Variants in NMT1 observed in about 807,000 individuals in gnomAD.
NMT1 encodes glycylpeptide N-tetradecanoyltransferase 1.
Under a neutral mutation model 63.4 loss-of-function variants are expected in NMT1, and 12 were observed. The ratio of observed to expected loss-of-function variants is 0.19; its 90% CI spans 0.12 to 0.31. The LOEUF (loss-of-function observed/expected upper bound fraction) is 0.31. NMT1 is among the 10% of genes least tolerant of loss of function. NMT1 has a pLI of 1.00. For synonymous variants in NMT1, 228 were observed against 234.3 expected (o/e 0.97, Z 0.25); for missense variants, 432 against 634.6 (o/e 0.68, Z 3.43).
chr17:45,081,782 C>T lies in NMT1; in HGVS notation c.240+30C>T, dbSNP rs189266479. 3.1e-5 allele frequency: 47 copies of T among 1,497,614 alleles called. No homozygotes were observed. In the East Asian group the frequency reaches 7.4e-4, roughly 23 times the overall value. 92.8% of individuals were successfully genotyped at this position (1,497,614 alleles called of 1,614,324 possible). On this transcript the variant is annotated intron_variant, in intron 2 of 11. Transcript: ENST00000258960. ...CAAGGAGGTTCTGTTTTTTGTGACT[C>T]AGTCACTTTTTCACATGAGAGAGTT...
chr17:45,098,760 T>C lies in NMT1; in HGVS notation c.884+208T>C, dbSNP rs572559395. On this transcript the variant is annotated intron_variant, in intron 7 of 11. Coordinates refer to ENST00000258960, the MANE Select transcript of NMT1 (RefSeq NM_021079.5). Reference sequence around the variant, plus strand: ...GATGGCAGATTGGCAAGTCCCTGCCTTGTCTGGAGGGCTCTTGGTGTCTGC... The same window carrying C: ...GATGGCAGATTGGCAAGTCCCTGCCCTGTCTGGAGGGCTCTTGGTGTCTGC... 3 of 519,766 alleles carry C rather than the reference T, an allele frequency of 5.8e-6. No homozygotes were observed. The South Asian group carries it at 8.1e-5, about 14-fold the overall frequency. The allele number at this position is 519,766 out of a possible 1,614,324, so 32.2% of individuals were successfully genotyped here.
intron 2 of NMT1, among the ~76,000 whole-genome samples, chr17:45,083,318 CAA>C (rs780867275): frequency 7.8e-5 from 8 of 102,574 alleles, no homozygotes; most frequent in Admixed American, 1.0e-4. Flanking sequence ...GACTTTGTCT[CAA>C]AAAAAAAAAA....
chr17:45,099,244 T>G (rs2080413946), intron 7 of NMT1, among the ~76,000 whole-genome samples, 161 bp from the exon 8 acceptor site: 1 of 152,172 alleles, frequency 6.6e-6, no homozygotes, highest in African/African-American at 2.4e-5. Context: ...CAGCACTCAC[T>G]GTGGGGAGGG....
chr17:45,065,456 C>G (rs2053895961), intron 1 of NMT1, among the ~76,000 whole-genome samples: 1 of 151,874 alleles, frequency 6.6e-6, no homozygotes, highest in Admixed American at 6.6e-5. Flanking sequence ...AACCCCATCT[C>G]TAATAAAAAT....
chr17:45,064,215 G>A (rs73313230), intron 1 of NMT1, among the ~76,000 whole-genome samples: 16,705 of 152,184 alleles, frequency 0.11, 982 homozygotes, highest in Middle Eastern at 0.18. Flanking sequence ...TATTTTATTT[G>A]TAGTAGAAGT....
Position 45,097,221 on chromosome 17 carries a change from A to G in NMT1, c.690A>G (p.Pro230=), listed in dbSNP as rs770200317. ...RKLVGFISAI[P]ANIHIYDTEK... is the part of the protein sequence containing the mutation. Reference sequence around the variant, plus strand: ...TGGTTGGGTTCATTAGCGCCATCCCAGCAAACATCCATATCTATGACACGT... The same window carrying G: ...TGGTTGGGTTCATTAGCGCCATCCCGGCAAACATCCATATCTATGACACGT... The change falls in exon 6 of 12, where the codon CCA becomes CCG. Residue 230 remains proline, a synonymous_variant. Coordinates refer to ENST00000258960, the MANE Select transcript of NMT1 (RefSeq NM_021079.5). 22 of 1,613,882 alleles carry G rather than the reference A, an allele frequency of 1.4e-5. No individual in the cohort carries two copies. Among genetic ancestry groups the G allele is most frequent in the Non-Finnish European group, 1.7e-5 (20 of 1,179,892 alleles).
intron 3 of NMT1, among the ~76,000 whole-genome samples, chr17:45,087,312 T>A (rs1281594567): frequency 6.6e-6 from 1 of 152,216 alleles, no homozygotes; most frequent in African/African-American, 2.4e-5. Flanking sequence ...ATTCCTGGAA[T>A]GGGCAAAGTC....
Position 45,099,504 on chromosome 17 carries a change from A to G in NMT1, c.984A>G (p.Arg328=), listed in dbSNP as rs748936607. 1 of 1,612,850 alleles carries G rather than the reference A, an allele frequency of 6.2e-7. No homozygotes were observed. Among genetic ancestry groups the G allele is most frequent in the Admixed American group, 1.7e-5 (1 of 60,024 alleles). The change falls in exon 8 of 12, where the codon CGA becomes CGG. Residue 328 remains arginine (R), a synonymous_variant. Coordinates refer to ENST00000258960, the MANE Select transcript of NMT1 (RefSeq NM_021079.5). ...MTMQRTMKLY[R]LPETPKTAGL... Reference sequence around the variant, plus strand: ...TGCAGCGCACCATGAAGCTCTACCGACTGCCAGAGGCCAGTGCTGCCCCGG... The same window carrying G: ...TGCAGCGCACCATGAAGCTCTACCGGCTGCCAGAGGCCAGTGCTGCCCCGG...
At chr17:45,061,624 C>G (rs2053859784) in intron 1 of NMT1, 164 bp downstream of exon 1, 5 of 612,420 alleles carry the variant, frequency 8.2e-6, no homozygotes, top group Non-Finnish European at 1.1e-5. Context: ...TGTCATTTAC[C>G]AAGGGTGGGT....
rs2054207445 is a variant in NMT1, at chr17:45,107,130, A to G, written c.*1491A>G. 6.6e-6 allele frequency: 1 copy of G among 152,240 alleles called. No homozygotes were observed. Among genetic ancestry groups the G allele is most frequent in the Non-Finnish European group, 1.5e-5 (1 of 68,062 alleles). The allele number at this position is 152,240 out of a possible 1,614,324, so 9.4% of individuals were successfully genotyped here. On this transcript the variant is annotated 3_prime_UTR_variant, in exon 12 of 12. Coordinates refer to ENST00000258960, the MANE Select transcript of NMT1 (RefSeq NM_021079.5). ...ATACAGGAATGAAGCCTTAGCCAGG[A>G]GGCCAGGCTCAGCCCTGTGCCACTC... is the stretch of plus-strand genomic sequence containing the variant.
rs747585553 is a variant in NMT1 at position 45,098,374 on chromosome 17, CCT to C, written c.714-5_714-4del. 6.8e-6 allele frequency: 11 copies of C among 1,609,706 alleles called. No homozygotes were observed. Among genetic ancestry groups the C allele is most frequent in the Non-Finnish European group, 9.3e-6 (11 of 1,177,234 alleles). Reference sequence around the variant, plus strand: ...AAACCTTGTCACCTGGATTTTTCCCCCTCTTAGAGAGAAGAAGATGGTAGAGA... The same window carrying C: ...AAACCTTGTCACCTGGATTTTTCCCCCTTAGAGAGAAGAAGATGGTAGAGA... On this transcript the variant is annotated splice_region_variant and splice_polypyrimidine_tract_variant and intron_variant, in intron 6 of 11. Transcript: ENST00000258960.
intron 2 of NMT1, among the ~76,000 whole-genome samples, chr17:45,082,272 G>GTTTT (rs74724010): frequency 7.1e-6 from 1 of 141,738 alleles, no homozygotes; most frequent in Non-Finnish European, 1.6e-5. Context: ...CACCTGTCCA[G>GTTTT]TTTTTTTTTT....
At chr17:45,078,066 A>G (rs2053988845) in intron 1 of NMT1, among the ~76,000 whole-genome samples, 1 of 152,080 alleles carries the variant, frequency 6.6e-6, no homozygotes, top group African/African-American at 2.4e-5. Context: ...ACTTAACTGG[A>G]TCTCTCCCTG....
At chr17:45,061,858 A>G (rs2143438156) in intron 1 of NMT1, 2 of 159,612 alleles carry the variant, frequency 1.3e-5, no homozygotes, top group Non-Finnish European at 2.8e-5. Context: ...GAATCATAAA[A>G]CATTTCGCAG....
chr17:45,078,727 T>C (rs2053992851), intron 1 of NMT1, among the ~76,000 whole-genome samples: 2 of 152,060 alleles, frequency 1.3e-5, no homozygotes, highest in Admixed American at 1.3e-4. Flanking sequence ...AGTTGTGCGA[T>C]TTTAGCTCAC....
rs1221273215 is a variant in NMT1, at chr17:45,108,441, C to G, written c.*2802C>G. The stretch of plus-strand genomic sequence containing the variant: ...GGTTTATGGAAAATGTCAGGCCTTC[C>G]CCACAACTCCTGTCTAACTGCTGTC... On this transcript the variant is annotated 3_prime_UTR_variant, in exon 12 of 12. Transcript: ENST00000258960. The G allele has an allele frequency of 2.6e-5, 4 of 152,628 alleles. No individual in the cohort carries two copies. The highest frequency in any genetic ancestry group is 9.7e-5 in the African/African-American group (4 of 41,442). 9.5% of individuals were successfully genotyped at this position (152,628 alleles called of 1,614,324 possible).
chr17:45,065,922 G>A (rs1193093346), intron 1 of NMT1, among the ~76,000 whole-genome samples: 1 of 150,228 alleles, frequency 6.7e-6, no homozygotes, highest in Non-Finnish European at 1.5e-5. Context: ...ATGTTGCTCA[G>A]ACTAGTCTCA....
chr17:45,103,068 G>A lies in NMT1; in HGVS notation c.1111G>A (p.Val371Met). ...TACGCCCGTCATGAGCCAGGAGGAG[G>A]TGGAGCACTGGTTCTACCCCCAGGA... ...HLTPVMSQEEVEHWFYPQENI... is the reference protein window; with the variant it reads ...HLTPVMSQEEMEHWFYPQENI... Residue 371 changes from valine to methionine, a missense_variant, in exon 9 of 12, where the codon GTG (valine) becomes ATG (methionine). This residue lies in a region of NMT1 where 295 missense variants were observed against 489.7 expected (regional missense o/e 0.60). Transcript: ENST00000258960. This position sits in a 1 kb window ranked among gnomAD's most constrained non-coding sequence, Gnocchi z 4.8. 6.2e-7 allele frequency: 1 copy of A among 1,614,028 alleles called. No homozygotes were observed. Among genetic ancestry groups the A allele is most frequent in the Non-Finnish European group, 8.5e-7 (1 of 1,179,910 alleles).
rs776210749 is a variant in NMT1 at position 45,061,347 on chromosome 17, G to A, written c.18G>A (p.Glu6=). ...AACTCAAGATGGCGGACGAGAGTGAGACAGCAGTGAAGCCGCCGGCACCTC... is the reference window on the plus strand; with the variant it reads ...AACTCAAGATGGCGGACGAGAGTGAAACAGCAGTGAAGCCGCCGGCACCTC... MADES[E]TAVKPPAPPL... is the part of the protein sequence containing the mutation. Residue 6 remains glutamate (E), a synonymous_variant, in exon 1 of 12, where the codon GAG becomes GAA. Coordinates refer to ENST00000258960, the MANE Select transcript of NMT1 (RefSeq NM_021079.5). 21 of 1,613,990 alleles carry A rather than the reference G, an allele frequency of 1.3e-5. No homozygotes were observed. Among genetic ancestry groups the A allele is most frequent in the Admixed American group, 3.3e-5 (2 of 59,986 alleles).
Sources: allele counts gnomAD v4.1 joint callset (sites outside exome capture counted in the v4.1 genomes callset), GRCh38; gene constraint gnomAD v4.1.1; regional missense constraint gnomAD v4.1.1; non-coding constraint Gnocchi (gnomAD v3.1); transcripts MANE v1.5; gene names NCBI Gene and HGNC (gene_info 2026-07-23, HGNC 2026-07-21).